RNF175: variants seen among roughly 807,000 people sequenced by gnomAD.
The protein encoded by RNF175 is ring finger protein 175.
Under a neutral mutation model 50.0 loss-of-function variants are expected in RNF175, and 38 were observed. The ratio of observed to expected loss-of-function variants is 0.76; its 90% CI spans 0.59 to 1.00. The LOEUF is 1.00. Among genes scored for constraint, RNF175 ranks in the 50% least tolerant of loss-of-function variants. RNF175 has a pLI of 0.00. For missense variants in RNF175, 388 were observed against 409.6 expected, an observed-to-expected ratio of 0.95 and a Z score of 0.46; for synonymous variants, 155 against 146.1, an observed-to-expected ratio of 1.06 and a Z score of -0.44.
chr4:153,720,993 G>T (rs2127104478), intron 5 of RNF175, among the ~76,000 whole-genome samples: 1 of 152,276 alleles, frequency 6.6e-6, no homozygotes, highest in Non-Finnish European at 1.5e-5. Flanking sequence ...AACATTATTT[G>T]CTTGACACAA....
At chr4:153,728,384 G>A (rs1579060247) in intron 3 of RNF175, 23 bp from the exon 4 acceptor site, 1 of 1,610,418 alleles carries the variant, frequency 6.2e-7, no homozygotes, top group East Asian at 2.2e-5. Flanking sequence ...TGAACAGGAA[G>A]TATCTTTCAA....
chr4:153,732,297 T>C (rs1381688641), intron 3 of RNF175, among the ~76,000 whole-genome samples: 1 of 152,058 alleles, frequency 6.6e-6, no homozygotes. Context: ...AAATGGAATA[T>C]TGGCATACAA....
chr4:153,725,037 TA>T (rs1738606419), intron 4 of RNF175, among the ~76,000 whole-genome samples: 2 of 45,932 alleles, frequency 4.4e-5, no homozygotes, highest in Admixed American at 2.8e-4. Context: ...CGGGCAGGGG[TA>T]GGCTGCGTGG....
Position 153,723,415 on chromosome 4 carries a change from C to T in RNF175, c.445G>A (p.Ala149Thr). 1 of 1,607,970 alleles carries T rather than the reference C, an allele frequency of 6.2e-7. No individual in the cohort carries two copies. Among genetic ancestry groups the T allele is most frequent in the East Asian group, 2.2e-5 (1 of 44,842 alleles). The change falls in exon 5 of 9, where the codon GCA becomes ACA. Residue 149 changes from alanine to threonine, a missense_variant. Ala to Thr is a moderately conservative substitution (Grantham distance 58). Coordinates refer to ENST00000347063, the MANE Select transcript of RNF175 (RefSeq NM_173662.4). ...WFLLIYKLSY[A>T]FGVVGYLAIM... is the part of the protein sequence containing the mutation. ...GCCAAGTAACCCACAACACCAAATGCATAGCTGAGTTTGTAGATCAAAAGA... is the reference window on the plus strand; with the variant it reads ...GCCAAGTAACCCACAACACCAAATGTATAGCTGAGTTTGTAGATCAAAAGA...
At chr4:153,734,087 GTTTA>G (rs1303750564) in intron 3 of RNF175, among the ~76,000 whole-genome samples, 1 of 152,200 alleles carries the variant, frequency 6.6e-6, no homozygotes, top group Non-Finnish European at 1.5e-5. Context: ...ATGTACCACA[GTTTA>G]TTTATCCAGC....
chr4:153,734,617 T>C (rs1739234690), intron 3 of RNF175, among the ~76,000 whole-genome samples: 1 of 151,816 alleles, frequency 6.6e-6, no homozygotes, highest in Admixed American at 6.6e-5. Flanking sequence ...CTTTATCAGA[T>C]ATATGTGTTT....
intron 1 of RNF175, among the ~76,000 whole-genome samples, chr4:153,759,014 GTTGT>G (rs1740692367): frequency 1.3e-5 from 2 of 152,132 alleles, no homozygotes; most frequent in South Asian, 4.1e-4. Flanking sequence ...GATTTTTGTT[GTTGT>G]TTAAGAGTTA....
At chr4:153,755,512 G>A (rs778534344) in intron 1 of RNF175, among the ~76,000 whole-genome samples, 1 of 151,752 alleles carries the variant, frequency 6.6e-6, no homozygotes, top group Non-Finnish European at 1.5e-5. Flanking sequence ...TTAAAAACAG[G>A]AAGACAGAAA....
intron 3 of RNF175, 147 bp downstream of exon 3, chr4:153,748,498 G>A: frequency 1.7e-6 from 1 of 602,974 alleles, no homozygotes; most frequent in East Asian, 3.3e-5. Context: ...TGTCTCCTGG[G>A]AGTGAAATTG....
At chr4:153,710,805 T>G (rs1737519905) in intron 8 of RNF175, among the ~76,000 whole-genome samples, 1 of 152,200 alleles carries the variant, frequency 6.6e-6, no homozygotes, top group South Asian at 2.1e-4. Flanking sequence ...AAACCAAGGA[T>G]AGTGGAAACT....
At chr4:153,759,110 C>T (rs1740698829) in intron 1 of RNF175, among the ~76,000 whole-genome samples, 1 of 152,158 alleles carries the variant, frequency 6.6e-6, no homozygotes, top group African/African-American at 2.4e-5. Context: ...CCTCCTCCAC[C>T]CCCAAATCCT....
intron 6 of RNF175, among the ~76,000 whole-genome samples, chr4:153,717,413 C>G (rs2127094634): frequency 6.6e-6 from 1 of 152,094 alleles, no homozygotes; most frequent in Admixed American, 6.6e-5. Context: ...TATTAGAAAA[C>G]AAGATCTGGA....
chr4:153,755,082 T>C (rs1370176418), intron 1 of RNF175, among the ~76,000 whole-genome samples: 1 of 152,248 alleles, frequency 6.6e-6, no homozygotes, highest in Admixed American at 6.5e-5. Context: ...GGGCCACAAG[T>C]GGACCTGCAG....
At chr4:153,746,694 G>A (rs1008506330) in intron 3 of RNF175, among the ~76,000 whole-genome samples, 1 of 152,206 alleles carries the variant, frequency 6.6e-6, no homozygotes, top group Non-Finnish European at 1.5e-5. Context: ...CACCCCGAAG[G>A]GCTCCCCTAG....
rs150681426 is a variant in RNF175, at chr4:153,711,807, C to A, written c.866+668G>T. ...CCTGATGGGGGCCATTACCTTCCTG[C>A]GACCTTAATGTGACTTGAATTTATT... On this transcript the variant is annotated intron_variant, in intron 8 of 8. Coordinates refer to ENST00000347063, the MANE Select transcript of RNF175 (RefSeq NM_173662.4). Among the ~76,000 whole-genome samples the A allele has an allele frequency of 2.8e-4, 43 of 152,268 alleles. No homozygotes were observed. The East Asian group carries it at 7.9e-3, about 28-fold the overall frequency.
chr4:153,718,222 G>GTTTTTTTTTTTTTTTTTTTTTTTTTT lies in RNF175; in HGVS notation c.630+1961_630+1962insAAAAAAAAAAAAAAAAAAAAAAAAAA, dbSNP rs1460898288. Among the ~76,000 whole-genome samples, 64 of 37,530 alleles carry GTTTTTTTTTTTTTTTTTTTTTTTTTT rather than the reference G, an allele frequency of 1.7e-3. 18 individuals carry two copies. The highest frequency in any genetic ancestry group is 0.026 in the Middle Eastern group (1 of 38). 24.6% of individuals were successfully genotyped at this position (37,530 alleles called of 152,430 possible). A position where few individuals can be genotyped will look rare whatever the true frequency, so the allele number is the denominator to read the frequency against. On this transcript the variant is annotated intron_variant, in intron 6 of 8. Coordinates refer to ENST00000347063, the MANE Select transcript of RNF175 (RefSeq NM_173662.4). ...CTTTCCTAAGGAGTTTTTTTTGTTT[G>GTTTTTTTTTTTTTTTTTTTTTTTTTT]TTTGTTTGTTTGTTTGTTTTTTTTT...
At position 153,715,587 on chromosome 4, in the gene RNF175, C is replaced by G; in HGVS notation, c.706G>C (p.Val236Leu). The G allele has an allele frequency of 6.2e-7, 1 of 1,613,612 alleles. No homozygotes were observed. The highest frequency in any genetic ancestry group is 8.5e-7 in the Non-Finnish European group (1 of 1,179,694). Residue 236 changes from valine (V) to leucine (L), a missense_variant, in exon 7 of 9, where the codon GTG becomes CTG. By Grantham distance (32) the Val-to-Leu change is conservative (BLOSUM62 1). Transcript: ENST00000347063. ...ATGAGCCCTTCTTCATCAAGCTCCA[C>G]AATGATCTTCTGCCCACAGACTGCA... ...ICAVCGQKIIVELDEEGLIEN... is the reference protein window; with the variant it reads ...ICAVCGQKIILELDEEGLIEN...
chr4:153,742,901 A>C (rs1739752237), intron 3 of RNF175, among the ~76,000 whole-genome samples: 1 of 151,854 alleles, frequency 6.6e-6, no homozygotes, highest in Non-Finnish European at 1.5e-5. Context: ...ATGGAGATAA[A>C]TTTCACTATG....
intron 6 of RNF175, among the ~76,000 whole-genome samples, chr4:153,719,448 G>A (rs1229166909): frequency 6.6e-6 from 1 of 152,134 alleles, no homozygotes; most frequent in Non-Finnish European, 1.5e-5. Flanking sequence ...ACAGAGATGT[G>A]GAATTCTTGA....
Sources: allele counts gnomAD v4.1 joint callset (sites outside exome capture counted in the v4.1 genomes callset), GRCh38; gene constraint gnomAD v4.1.1; transcripts MANE v1.5; gene names NCBI Gene and HGNC (gene_info 2026-07-23, HGNC 2026-07-21).